AFG1L: variants seen among roughly 807,000 people sequenced by gnomAD.
AFG1L encodes the protein AFG1 like ATPase.
A neutral mutation model predicts 62.2 loss-of-function variants in AFG1L; 53 were observed. The observed-to-expected ratio is 0.85, with a 90% CI of 0.68 to 1.07. The LOEUF (loss-of-function observed/expected upper bound fraction) is 1.07. Ranked by LOEUF, AFG1L falls within the 50% of genes least tolerant of loss-of-function variation. AFG1L has a pLI of 0.00. For synonymous variants in AFG1L, 228 were observed against 210.3 expected (o/e 1.08, Z -0.73); for missense variants, 555 against 590.5 (o/e 0.94, Z 0.62).
intron 7 of AFG1L, among the ~76,000 whole-genome samples, chr6:108,408,839 T>C (rs1485769546): frequency 6.6e-6 from 1 of 152,176 alleles, no homozygotes; most frequent in Non-Finnish European, 1.5e-5. Flanking sequence ...TTTTTCTTTT[T>C]TTTTAGTAAT....
chr6:108,325,824 G>C (rs145430828), intron 2 of AFG1L, among the ~76,000 whole-genome samples: 4 of 150,594 alleles, frequency 2.7e-5, no homozygotes, highest in African/African-American at 7.3e-5. Flanking sequence ...TCTGTCTCCC[G>C]GGCTGAAGTG....
intron 1 of AFG1L, among the ~76,000 whole-genome samples, chr6:108,316,380 C>CAAA (rs768461563): frequency 1.1e-4 from 2 of 18,808 alleles, no homozygotes; most frequent in African/African-American, 1.5e-4. Flanking sequence ...GACTCCGTCT[C>CAAA]AAAAAAAAAA....
At chr6:108,445,019 A>C (rs1453112585) in intron 7 of AFG1L, among the ~76,000 whole-genome samples, 1 of 152,196 alleles carries the variant, frequency 6.6e-6, no homozygotes, top group Non-Finnish European at 1.5e-5. Context: ...CTCCAGTGAA[A>C]ATCTGTTGTT....
chr6:108,518,526 G>T (rs1350719815), intron 11 of AFG1L, among the ~76,000 whole-genome samples: 2 of 151,300 alleles, frequency 1.3e-5, no homozygotes, highest in Non-Finnish European at 2.9e-5. Flanking sequence ...GGGAGGGATA[G>T]CATTAGGAGA....
intron 7 of AFG1L, among the ~76,000 whole-genome samples, chr6:108,422,552 G>T (rs541450300): frequency 1.4e-5 from 2 of 138,920 alleles, no homozygotes; most frequent in Admixed American, 1.5e-4. Flanking sequence ...ATTTTGTTGG[G>T]GGAAGGAGGT....
chr6:108,343,062 T>G (rs555577010), intron 2 of AFG1L, among the ~76,000 whole-genome samples: 102 of 151,706 alleles, frequency 6.7e-4, no homozygotes, highest in Non-Finnish European at 1.0e-3. Context: ...GTGCAACTTT[T>G]TCTTTTTCTT....
intron 6 of AFG1L, among the ~76,000 whole-genome samples, chr6:108,369,633 G>A (rs999347204): frequency 2.0e-5 from 3 of 151,260 alleles, no homozygotes; most frequent in African/African-American, 7.3e-5. Flanking sequence ...TTTTGGAGAC[G>A]GATCCTTGCT....
chr6:108,411,361 A>C (rs1217574216), intron 7 of AFG1L, among the ~76,000 whole-genome samples: 1 of 152,064 alleles, frequency 6.6e-6, no homozygotes, highest in Non-Finnish European at 1.5e-5. Context: ...AAAAGGCAGC[A>C]GAAACTTCTG....
intron 10 of AFG1L, among the ~76,000 whole-genome samples, chr6:108,485,367 C>G (rs556805370): frequency 6.6e-6 from 1 of 151,712 alleles, no homozygotes; most frequent in South Asian, 2.1e-4. Flanking sequence ...GAGAAAATGC[C>G]CAAGGATTCC....
intron 8 of AFG1L, among the ~76,000 whole-genome samples, chr6:108,456,171 C>T (rs896189522): frequency 1.3e-5 from 2 of 152,112 alleles, no homozygotes; most frequent in Non-Finnish European, 2.9e-5. Context: ...TTGACCTCTT[C>T]ATAAGTATGA....
rs150464459 is a variant in AFG1L at position 108,295,157 on chromosome 6, C to T, written c.78C>T (p.Cys26=). The T allele has an allele frequency of 2.3e-4, 373 of 1,609,676 alleles. No individual in the cohort carries two copies. The African/African-American group carries it at 3.8e-3, about 16-fold the overall frequency. ...QSPLRGRCVG[C]GAWAAALAPL... is the part of the protein sequence containing the mutation. ...CGCTGAGAGGGAGATGTGTTGGGTG[C>T]GGGGCCTGGGCCGCCGCTCTCGCTC... is the stretch of plus-strand genomic sequence containing the variant. Residue 26 remains cysteine (C), a synonymous_variant, in exon 1 of 13, where the codon TGC becomes TGT. Coordinates refer to ENST00000368977, the MANE Select transcript of AFG1L (RefSeq NM_145315.5).
At chr6:108,396,267 T>A (rs1390644737) in intron 6 of AFG1L, among the ~76,000 whole-genome samples, 1 of 152,122 alleles carries the variant, frequency 6.6e-6, no homozygotes, top group Non-Finnish European at 1.5e-5. Flanking sequence ...TTAAAACTTG[T>A]CCCTTTTCAT....
chr6:108,510,441 C>T, intron 11 of AFG1L, 89 bp downstream of exon 11: 1 of 917,494 alleles, frequency 1.1e-6, no homozygotes, highest in Non-Finnish European at 1.6e-6. Context: ...TAACATACTT[C>T]TATCACTTAC....
chr6:108,316,094 A>G (rs1190331644), intron 1 of AFG1L, among the ~76,000 whole-genome samples: 4 of 152,024 alleles, frequency 2.6e-5, no homozygotes, highest in Admixed American at 6.5e-5. Flanking sequence ...TAAAAATCGG[A>G]AAGTTGGCCG....
intron 6 of AFG1L, among the ~76,000 whole-genome samples, chr6:108,378,802 T>C (rs1187426198): frequency 6.6e-6 from 1 of 152,048 alleles, no homozygotes. Flanking sequence ...ATTATTTTCA[T>C]GCACGTAGGA....
chr6:108,416,956 G>C (rs1256506134), intron 7 of AFG1L, among the ~76,000 whole-genome samples: 1 of 151,686 alleles, frequency 6.6e-6, no homozygotes, highest in Non-Finnish European at 1.5e-5. Flanking sequence ...AAGGGGCCTG[G>C]GCTGGGTGTG....
intron 8 of AFG1L, among the ~76,000 whole-genome samples, chr6:108,471,825 C>T (rs1020166188): frequency 1.3e-5 from 2 of 152,102 alleles, no homozygotes; most frequent in African/African-American, 4.8e-5. Flanking sequence ...TTCATCTTGC[C>T]TTCTTGCTTC....
chr6:108,300,797 T>G (rs563026184), intron 1 of AFG1L, among the ~76,000 whole-genome samples: 1 of 152,068 alleles, frequency 6.6e-6, no homozygotes, highest in East Asian at 1.9e-4. Context: ...CTCAGCCTCC[T>G]GAGCAGCTGG....
intron 1 of AFG1L, among the ~76,000 whole-genome samples, chr6:108,312,774 T>C (rs1247884167): frequency 6.6e-6 from 1 of 152,074 alleles, no homozygotes; most frequent in East Asian, 1.9e-4. Flanking sequence ...ATGTTTTTTT[T>C]TTGGTTGTGA....
Sources: allele counts gnomAD v4.1 joint callset (sites outside exome capture counted in the v4.1 genomes callset), GRCh38; gene constraint gnomAD v4.1.1; transcripts MANE v1.5; gene names NCBI Gene and HGNC (gene_info 2026-07-23, HGNC 2026-07-21).